LRP5: variants seen among roughly 807,000 people sequenced by gnomAD.
The protein encoded by LRP5 is LDL receptor related protein 5, also known as low-density lipoprotein receptor-related protein 5.
A neutral mutation model predicts 154.1 loss-of-function variants in LRP5; 62 were observed. The ratio of observed to expected loss-of-function variants is 0.40; its 90% CI spans 0.33 to 0.50. LRP5 has a LOEUF of 0.50. Among genes scored for constraint, LRP5 ranks in the 20% least tolerant of loss-of-function variants. The pLI is 0.55. For synonymous variants in LRP5, 966 were observed against 1,011.5 expected (o/e 0.96, Z 0.85); for missense variants, 1,915 against 2,336.7 (o/e 0.82, Z 3.72).
At chr11:68,414,622 G>A (rs762283957) in intron 12 of LRP5, among the ~76,000 whole-genome samples, 7 of 151,810 alleles carry the variant, frequency 4.6e-5, no homozygotes, top group African/African-American at 9.7e-5. Context: ...CCCCTCTGGA[G>A]TACAGGTGTT....
intron 4 of LRP5, among the ~76,000 whole-genome samples, 186 bp from the exon 5 acceptor site, chr11:68,365,385 A>AT (rs1351802045): frequency 0.02 from 5 of 254 alleles, no homozygotes; most frequent in African/African-American, 0.041. Flanking sequence ...CCCCATGTGG[A>AT]CGGGCCAGCG....
At chr11:68,363,993 C>T (rs890042486) in intron 4 of LRP5, 50 bp downstream of exon 4, 1 of 78,404 alleles carries the variant, frequency 1.3e-5, no homozygotes. Context: ...CTGGGGGGAG[C>T]GGGGGCGCGG....
intron 13 of LRP5, among the ~76,000 whole-genome samples, chr11:68,421,926 T>C (rs1181556808): frequency 6.6e-6 from 1 of 151,922 alleles, no homozygotes; most frequent in African/African-American, 2.4e-5. Flanking sequence ...TTAGAGACTT[T>C]GTTTTATTTG....
rs532226567 is a variant in LRP5 at position 68,333,971 on chromosome 11, C to T, written c.92-13876C>T. ...TAAAGAAGCAGACCAGGCGCGGTGG[C>T]TCACACCTGTAATCCCAGCACTTTG... On this transcript the variant is annotated intron_variant, in intron 1 of 22. Coordinates refer to ENST00000294304, the MANE Select transcript of LRP5 (RefSeq NM_002335.4). Among the ~76,000 whole-genome samples the T allele has an allele frequency of 5.5e-4, 84 of 152,296 alleles. No individual in the cohort carries two copies. The South Asian group carries it at 0.017, about 31-fold the overall frequency.
Position 68,438,516 on chromosome 11 carries a change from CCTCT to C in LRP5, c.4189_4192del (p.Leu1397SerfsTer41), listed in dbSNP as rs2098676296. 4.3e-6 allele frequency: 7 copies of C among 1,614,138 alleles called. No homozygotes were observed. Among genetic ancestry groups the C allele is most frequent in the African/African-American group, 1.3e-5 (1 of 74,956 alleles). On this transcript the variant is annotated frameshift_variant, in exon 20 of 23. Coordinates refer to ENST00000294304, the MANE Select transcript of LRP5 (RefSeq NM_002335.4). LOFTEE classifies it high-confidence loss of function. ...CCATCGGGCCCGTCATTGGCATCATCCTCTCTCTCTTCGTCATGGGTGGTGTCTA... is the reference window on the plus strand; with the variant it reads ...CCATCGGGCCCGTCATTGGCATCATCCTCTCTTCGTCATGGGTGGTGTCTA...
intron 19 of LRP5, 137 bp downstream of exon 19, chr11:68,437,136 C>T (rs568090025): frequency 1.5e-4 from 109 of 718,922 alleles, no homozygotes; most frequent in African/African-American, 1.3e-3. Flanking sequence ...AGGCTCCTTG[C>T]GGGAGGCAGG....
intron 1 of LRP5, among the ~76,000 whole-genome samples, chr11:68,315,448 G>A (rs1328354382): frequency 1.3e-5 from 2 of 152,226 alleles, no homozygotes; most frequent in Non-Finnish European, 2.9e-5. Context: ...GAGCCCCTGC[G>A]CCCAGGGTCT....
the LRP5 span, among the ~76,000 whole-genome samples, chr11:68,303,165 T>C: frequency 6.6e-6 from 1 of 152,184 alleles, no homozygotes; most frequent in Admixed American, 6.5e-5. Flanking sequence ...AGGATCTTGC[T>C]CTGTTGCCCA....
At chr11:68,443,583 A>ATTT (rs1352836968) in intron 21 of LRP5, among the ~76,000 whole-genome samples, 3 of 33,068 alleles carry the variant, frequency 9.1e-5, no homozygotes, top group African/African-American at 4.3e-4. Flanking sequence ...ATATATATAT[A>ATTT]TATTTTTTTT....
At chr11:68,338,482 G>C (rs189799863) in intron 1 of LRP5, among the ~76,000 whole-genome samples, 114 of 152,342 alleles carry the variant, frequency 7.5e-4, no homozygotes, top group Admixed American at 2.2e-3. Context: ...CTGATCACGG[G>C]TCCTGGGACT....
At chr11:68,398,871 A>T (rs1177559485) in intron 7 of LRP5, among the ~76,000 whole-genome samples, 1 of 151,918 alleles carries the variant, frequency 6.6e-6, no homozygotes, top group Non-Finnish European at 1.5e-5. Context: ...AGTAGCGGGG[A>T]CTACGGGTGT....
chr11:68,419,271 T>C (rs1222002823), intron 13 of LRP5, among the ~76,000 whole-genome samples: 1 of 152,136 alleles, frequency 6.6e-6, no homozygotes, highest in South Asian at 2.1e-4. Context: ...CTCACCCCAG[T>C]GCCCAGGCTG....
chr11:68,410,481 A>C (rs1394874865), intron 10 of LRP5, among the ~76,000 whole-genome samples: 1 of 152,204 alleles, frequency 6.6e-6, no homozygotes, highest in African/African-American at 2.4e-5. Flanking sequence ...CTAAGGTCAC[A>C]TACCCAGTTA....
intron 9 of LRP5, 85 bp from the exon 10 acceptor site, chr11:68,409,829 A>G: frequency 9.3e-7 from 1 of 1,072,572 alleles, no homozygotes; most frequent in Non-Finnish European, 1.4e-6. Context: ...CAGGCTGGGC[A>G]AGAAGAGCGA....
At chr11:68,320,247 C>T (rs756638457) in intron 1 of LRP5, among the ~76,000 whole-genome samples, 6 of 152,184 alleles carry the variant, frequency 3.9e-5, no homozygotes, top group Non-Finnish European at 7.3e-5. Context: ...TACGAGAACA[C>T]ACACTTTCCT....
At chr11:68,408,187 C>T (rs1286368782) in intron 9 of LRP5, among the ~76,000 whole-genome samples, 2 of 151,242 alleles carry the variant, frequency 1.3e-5, no homozygotes, top group African/African-American at 4.9e-5. Flanking sequence ...GTGATCCTCT[C>T]ATCTCAGCCT....
chr11:68,393,416 C>T (rs897328535), intron 7 of LRP5, among the ~76,000 whole-genome samples: 13 of 152,190 alleles, frequency 8.5e-5, no homozygotes, highest in African/African-American at 2.7e-4. Context: ...GTGGCTGCGC[C>T]GTTCTGCATC....
chr11:68,426,126 G>A lies in LRP5; in HGVS notation c.3576G>A (p.Gln1192=), dbSNP rs1315936732. 1 of 1,613,178 alleles carries A rather than the reference G, an allele frequency of 6.2e-7. No individual in the cohort carries two copies. Among genetic ancestry groups the A allele is most frequent in the Non-Finnish European group, 8.5e-7 (1 of 1,180,020 alleles). Residue 1192 remains glutamine, a synonymous_variant, in exon 16 of 23, where the codon CAG becomes CAA. Coordinates refer to ENST00000294304, the MANE Select transcript of LRP5 (RefSeq NM_002335.4). ...KTTGDKRTRI[Q]GRVAHLTGIH... is the part of the protein sequence containing the mutation. Reference sequence around the variant, plus strand: ...CCGGGGACAAGCGGACTCGCATCCAGGGCCGTGTCGCCCACCTCACTGGCA... The same window carrying A: ...CCGGGGACAAGCGGACTCGCATCCAAGGCCGTGTCGCCCACCTCACTGGCA...
upstream of LRP5, among the ~76,000 whole-genome samples, chr11:68,309,287 T>TCA (rs1432627941): frequency 6.9e-6 from 1 of 145,566 alleles, no homozygotes; most frequent in Non-Finnish European, 1.5e-5. Context: ...AGCTGGAGCA[T>TCA]AGTGGCTCAA....
Sources: allele counts gnomAD v4.1 joint callset (sites outside exome capture counted in the v4.1 genomes callset), GRCh38; gene constraint gnomAD v4.1.1; transcripts MANE v1.5; gene names NCBI Gene and HGNC (gene_info 2026-07-23, HGNC 2026-07-21).